The following CCDC7 variants were observed in gnomAD, a reference collection of about 807,000 sequenced individuals.
CCDC7 encodes coiled-coil domain containing 7, also known as coiled-coil domain-containing protein 7.
In CCDC7, 183 loss-of-function variants were observed where a neutral mutation model predicts 196.9. That is an observed-to-expected ratio of 0.93 (90% CI 0.82 to 1.05). CCDC7 has a LOEUF of 1.05. CCDC7 is among the 50% of genes least tolerant of loss of function. The pLI is 0.00. For synonymous variants in CCDC7, 525 were observed against 484.6 expected (o/e 1.08, Z -1.10); for missense variants, 1,540 against 1,482.2 (o/e 1.04, Z -0.64).
At chr10:32,828,555 G>GAAA (rs1555179832) in intron 32 of CCDC7, among the ~76,000 whole-genome samples, 27 of 147,868 alleles carry the variant, frequency 1.8e-4, no homozygotes, top group African/African-American at 6.2e-4. Flanking sequence ...AGAAGAAGAA[G>GAAA]AAGAAAGAAG....
intron 24 of CCDC7, among the ~76,000 whole-genome samples, chr10:32,698,289 C>G (rs1047304131): frequency 6.6e-6 from 1 of 152,186 alleles, no homozygotes; most frequent in Non-Finnish European, 1.5e-5. Context: ...CAGAGTGCCT[C>G]TTCTCCTCCA....
At chr10:32,539,310 T>G (rs1403642121) in intron 11 of CCDC7, among the ~76,000 whole-genome samples, 1 of 152,174 alleles carries the variant, frequency 6.6e-6, no homozygotes, top group Non-Finnish European at 1.5e-5. Context: ...TTCTGGTTTG[T>G]GTGCATAGAG....
At chr10:32,528,210 A>G (rs1440533964) in intron 11 of CCDC7, among the ~76,000 whole-genome samples, 1 of 151,692 alleles carries the variant, frequency 6.6e-6, no homozygotes, top group African/African-American at 2.4e-5. Context: ...CATCCTTTTT[A>G]TGGCTGAATG....
intron 20 of CCDC7, among the ~76,000 whole-genome samples, chr10:32,657,280 G>A (rs2070155773): frequency 3.3e-5 from 5 of 152,244 alleles, no homozygotes; most frequent in African/African-American, 4.8e-5. Context: ...GGGACTCTGT[G>A]TGGGGGCTCC....
chr10:32,834,753 G>T, intron 32 of CCDC7, 62 bp from the exon 34 acceptor site: 1 of 694,646 alleles, frequency 1.4e-6, no homozygotes, highest in Non-Finnish European at 2.6e-6. Context: ...CATACACACA[G>T]CACGGACATA....
At chr10:32,444,543 T>C (rs1315401378), upstream of CCDC7, among the ~76,000 whole-genome samples, 2 of 152,212 alleles carry the variant, frequency 1.3e-5, no homozygotes, top group African/African-American at 4.8e-5. Flanking sequence ...AATGACTAGA[T>C]GTAATCTATT....
chr10:32,471,344 C>A, intron 6 of CCDC7, 114 bp downstream of exon 7: 1 of 1,251,244 alleles, frequency 8.0e-7, no homozygotes, highest in Non-Finnish European at 1.1e-6. Flanking sequence ...GCTTCTTAGT[C>A]AAATCAGGTC....
At chr10:32,807,094 C>T (rs1002858074) in intron 30 of CCDC7, among the ~76,000 whole-genome samples, 1 of 152,018 alleles carries the variant, frequency 6.6e-6, no homozygotes, top group Admixed American at 6.5e-5. Context: ...AAAATTTATT[C>T]CTATCAGAAC....
At chr10:32,709,253 T>G (rs1366722845) in intron 24 of CCDC7, among the ~76,000 whole-genome samples, 1 of 135,994 alleles carries the variant, frequency 7.4e-6, no homozygotes, top group East Asian at 2.3e-4. Context: ...TTCTCACTCA[T>G]AGGTGGGAAT....
chr10:32,849,701 C>CAAAAAAAAAAAAA (rs34677799), intron 39 of CCDC7, among the ~76,000 whole-genome samples: 25 of 80,708 alleles, frequency 3.1e-4, no homozygotes, highest in East Asian at 1.0e-3. Flanking sequence ...GACTCCGTCT[C>CAAAAAAAAAAAAA]AAAAAAAAAA....
intron 20 of CCDC7, among the ~76,000 whole-genome samples, chr10:32,640,010 A>G (rs530099179): frequency 6.6e-6 from 1 of 152,214 alleles, no homozygotes; most frequent in Admixed American, 6.5e-5. Context: ...AGAAGAATGT[A>G]TATTCTGTTG....
intron 13 of CCDC7, among the ~76,000 whole-genome samples, chr10:32,564,667 G>T (rs1188965022): frequency 6.6e-6 from 1 of 151,944 alleles, no homozygotes; most frequent in Middle Eastern, 3.2e-3. Context: ...GGGGGGACGG[G>T]GGAGGGATAA....
chr10:32,637,714 C>G (rs528228254), intron 20 of CCDC7, among the ~76,000 whole-genome samples: 7 of 152,088 alleles, frequency 4.6e-5, no homozygotes, highest in Non-Finnish European at 8.8e-5. Context: ...GTGATGTGGG[C>G]TCTTTTTTGG....
At chr10:32,742,966 T>C (rs2086132127) in intron 28 of CCDC7, among the ~76,000 whole-genome samples, 1 of 152,224 alleles carries the variant, frequency 6.6e-6, no homozygotes, top group Non-Finnish European at 1.5e-5. Context: ...TTAAGGTTCC[T>C]CCATTTCTTC....
chr10:32,454,987 C>T (rs926442093), intron 2 of CCDC7, among the ~76,000 whole-genome samples: 2 of 152,170 alleles, frequency 1.3e-5, no homozygotes, highest in Non-Finnish European at 2.9e-5. Context: ...TATCATCACT[C>T]CCTTTCACAC....
At chr10:32,488,678 A>G (rs1450394742) in intron 8 of CCDC7, among the ~76,000 whole-genome samples, 1 of 151,580 alleles carries the variant, frequency 6.6e-6, no homozygotes, top group Non-Finnish European at 1.5e-5. Flanking sequence ...GATTTCTATC[A>G]CTCTGTTAAA....
At chr10:32,647,951 A>G (rs963548103) in intron 20 of CCDC7, among the ~76,000 whole-genome samples, 4 of 152,246 alleles carry the variant, frequency 2.6e-5, no homozygotes, top group Non-Finnish European at 4.4e-5. Flanking sequence ...TAGGATTTTT[A>G]TAGTTTGAGG....
chr10:32,703,962 T>C lies in CCDC7; in HGVS notation c.2459-7658T>C, dbSNP rs186140630. ...TAACTTCTTTGCCATGGGTTAGAACTTCCTCCTTTAGCTCTGAGTAGTTTG... is the reference window on the plus strand; with the variant it reads ...TAACTTCTTTGCCATGGGTTAGAACCTCCTCCTTTAGCTCTGAGTAGTTTG... On this transcript the variant is annotated intron_variant, in intron 24 of 41. Transcript: ENST00000639629. 5.6e-4 allele frequency among the ~76,000 whole-genome samples: 86 copies of C among 152,234 alleles called. No homozygotes were observed. The Middle Eastern group carries it at 0.014, about 24-fold the overall frequency.
At chr10:32,840,502 G>A (rs1457892009) in intron 33 of CCDC7, among the ~76,000 whole-genome samples, 1 of 151,748 alleles carries the variant, frequency 6.6e-6, no homozygotes, top group Non-Finnish European at 1.5e-5. Flanking sequence ...AGATTGAAAT[G>A]GTAATTTAAA....
Sources: allele counts gnomAD v4.1 joint callset (sites outside exome capture counted in the v4.1 genomes callset), GRCh38; gene constraint gnomAD v4.1.1; transcripts MANE v1.5; gene names NCBI Gene and HGNC (gene_info 2026-07-23, HGNC 2026-07-21).